CCDC7: variants seen among roughly 807,000 people sequenced by gnomAD.
CCDC7 encodes the protein coiled-coil domain-containing protein 7.
CCDC7 carries 183 observed loss-of-function variants against 196.9 expected under a neutral mutation model. The observed-to-expected ratio is 0.93, with a 90% CI of 0.82 to 1.05. The LOEUF is 1.05. CCDC7 is among the 50% of genes least tolerant of loss of function. The probability of loss-of-function intolerance (pLI) is 0.00; values close to 1 mark genes in which losing one functional copy is unlikely to be tolerated. For synonymous variants in CCDC7, 525 were observed against 484.6 expected (o/e 1.08, Z -1.10); for missense variants, 1,540 against 1,482.2 (o/e 1.04, Z -0.64).
chr10:32,743,073 A>G (rs1441148931), intron 28 of CCDC7, among the ~76,000 whole-genome samples: 1 of 152,168 alleles, frequency 6.6e-6, no homozygotes, highest in Non-Finnish European at 1.5e-5. Flanking sequence ...GAAGAATGTT[A>G]TGGGTTTTTT....
At position 32,778,591 on chromosome 10, in the gene CCDC7, T is replaced by C. The variant is rs141752723; in HGVS notation, c.2906-386T>C. Among the ~76,000 whole-genome samples the C allele has an allele frequency of 8.8e-3, 1,340 of 152,320 alleles. 15 individuals are homozygous for C. Among genetic ancestry groups the C allele is most frequent in the African/African-American group, 0.029 (1,220 of 41,572 alleles). ...TGTTTTGGTTACTGTAGCCCTGTAA[T>C]ATAGTTTCAAGTCAGGTAGTATGAT... On this transcript the variant is annotated intron_variant, in intron 28 of 41. Transcript: ENST00000639629.
intron 13 of CCDC7, among the ~76,000 whole-genome samples, chr10:32,563,336 T>C (rs563291024): frequency 1.6e-4 from 24 of 152,180 alleles, no homozygotes; most frequent in African/African-American, 4.8e-4. Context: ...GAGCCCGCAT[T>C]GCCAAGTCAA....
intron 20 of CCDC7, among the ~76,000 whole-genome samples, chr10:32,654,749 A>G (rs964373493): frequency 1.9e-4 from 29 of 152,168 alleles, no homozygotes; most frequent in Non-Finnish European, 7.3e-5. Flanking sequence ...CAGAACCTCA[A>G]GGTCAGTTAG....
chr10:32,491,548 C>T (rs1275112106), intron 8 of CCDC7, among the ~76,000 whole-genome samples: 1 of 152,148 alleles, frequency 6.6e-6, no homozygotes, highest in East Asian at 1.9e-4. Flanking sequence ...TATAGTCCCT[C>T]TGATATTCCA....
intron 9 of CCDC7, chr10:32,511,645 C>T: frequency 3.2e-6 from 5 of 1,575,594 alleles, no homozygotes; most frequent in Non-Finnish European, 4.4e-6. Flanking sequence ...TCGTGGTCTT[C>T]AGCATCTCAT....
chr10:32,446,052 C>T (rs1166849004), upstream of CCDC7: 2 of 152,206 alleles, frequency 1.3e-5, no homozygotes, highest in African/African-American at 2.4e-5. Flanking sequence ...TCTCCTCTTC[C>T]GCTCTCGGCG....
chr10:32,634,357 A>G (rs2065294617), exon 19 of CCDC7: 4 of 1,112,714 alleles, frequency 3.6e-6, no homozygotes, highest in East Asian at 6.5e-5. Flanking sequence ...GTATGGAAAG[A>G]CATGAGGGTA....
chr10:32,785,794 A>C (rs944556598), intron 29 of CCDC7, among the ~76,000 whole-genome samples: 11 of 152,158 alleles, frequency 7.2e-5, no homozygotes, highest in African/African-American at 2.7e-4. Context: ...TCTCTTTATG[A>C]GTCATAGTTT....
At chr10:32,778,001 G>A (rs552722373) in intron 28 of CCDC7, among the ~76,000 whole-genome samples, 17 of 152,242 alleles carry the variant, frequency 1.1e-4, no homozygotes, top group African/African-American at 4.1e-4. Flanking sequence ...CTTTTGAGAC[G>A]ATTCTGTTTA....
At chr10:32,815,040 A>C (rs2088089809) in intron 31 of CCDC7, among the ~76,000 whole-genome samples, 1 of 152,136 alleles carries the variant, frequency 6.6e-6, no homozygotes, top group Non-Finnish European at 1.5e-5. Context: ...ATCAAATCAC[A>C]CACATACACA....
intron 28 of CCDC7, among the ~76,000 whole-genome samples, chr10:32,751,613 A>T (rs767638208): frequency 7.2e-5 from 11 of 152,226 alleles, no homozygotes; most frequent in Non-Finnish European, 1.5e-4. Flanking sequence ...CTTTCATTTT[A>T]AAGCATATAT....
intron 31 of CCDC7, among the ~76,000 whole-genome samples, chr10:32,819,595 G>A (rs1161003203): frequency 2.0e-5 from 3 of 152,124 alleles, no homozygotes; most frequent in Non-Finnish European, 4.4e-5. Flanking sequence ...GAATCCAGCA[G>A]CACATCAAAA....
Position 32,544,216 on chromosome 10 carries a change from A to T in CCDC7, c.1080-31A>T, listed in dbSNP as rs1050761916. 5.7e-6 allele frequency: 9 copies of T among 1,565,374 alleles called. No homozygotes were observed. In the Admixed American group the frequency reaches 1.2e-4, roughly 21 times the overall value. On this transcript the variant is annotated intron_variant, in intron 12 of 41. Coordinates refer to ENST00000639629, the Ensembl canonical transcript of CCDC7. ...AAGCAGTGATGCATTTAAAAATATC[A>T]TGATGCATTTTAAAACATTTTATGT...
chr10:32,710,635 G>C (rs747873554), intron 24 of CCDC7, among the ~76,000 whole-genome samples: 5 of 152,166 alleles, frequency 3.3e-5, no homozygotes, highest in Non-Finnish European at 7.3e-5. Context: ...CACTGATAGG[G>C]CTGGCAGAGT....
intron 24 of CCDC7, among the ~76,000 whole-genome samples, chr10:32,699,104 G>A (rs2078205304): frequency 6.6e-6 from 1 of 151,972 alleles, no homozygotes; most frequent in African/African-American, 2.4e-5. Flanking sequence ...TGTACAACGT[G>A]CAGGTTTGTT....
At chr10:32,508,645 C>G (rs960865423) in intron 9 of CCDC7, among the ~76,000 whole-genome samples, 6 of 151,286 alleles carry the variant, frequency 4.0e-5, no homozygotes, top group East Asian at 1.9e-4. Flanking sequence ...TTTTTTGATA[C>G]GGAGTCTCAC....
rs765580280 is a variant in CCDC7, at chr10:32,584,322, T to C, written c.1801+18T>C. The C allele has an allele frequency of 2.9e-5, 44 of 1,523,430 alleles. No individual in the cohort carries two copies. The highest frequency in any genetic ancestry group is 3.8e-5 in the Non-Finnish European group (42 of 1,104,722). The allele number at this position is 1,523,430 out of a possible 1,614,324, so 94.4% of individuals were successfully genotyped here. A position where few individuals can be genotyped will look rare whatever the true frequency, so the allele number is the denominator to read the frequency against. On this transcript the variant is annotated intron_variant, in intron 18 of 41. Transcript: ENST00000639629. The stretch of plus-strand genomic sequence containing the variant: ...ATCTCAAGGTAAAAAGACTCTGTTT[T>C]GGAAGATGAAAATGTGATTGAATGA...
In CCDC7 at chr10:32,744,998, G is replaced by C. The variant is rs1191993108; in HGVS notation, c.2905+15541G>C. Reference sequence around the variant, plus strand: ...CATTTTGAGTTAGTTTTTGTGAAGGGTATAAGGTCTGTATCTAGATTTATA... The same window carrying C: ...CATTTTGAGTTAGTTTTTGTGAAGGCTATAAGGTCTGTATCTAGATTTATA... On this transcript the variant is annotated intron_variant, in intron 28 of 41. Coordinates refer to ENST00000639629, the Ensembl canonical transcript of CCDC7. 4.6e-5 allele frequency among the ~76,000 whole-genome samples: 7 copies of C among 152,116 alleles called. No individual in the cohort carries two copies. The East Asian group carries it at 1.3e-3, about 29-fold the overall frequency.
chr10:32,848,552 G>A, intron 38 of CCDC7, 44 bp from the exon 40 acceptor site: 1 of 1,346,360 alleles, frequency 7.4e-7, no homozygotes, highest in Non-Finnish European at 1.1e-6. Context: ...TGTGTGAATA[G>A]TCAAGAGTAT....
Sources: gnomAD v4.1 joint callset for allele counts (sites outside exome capture counted in the v4.1 genomes callset) on GRCh38, gnomAD v4.1.1 for gene constraint, MANE v1.5 for transcripts, NCBI Gene and HGNC (gene_info 2026-07-23, HGNC 2026-07-21) for gene names.